The following CCNY variants were observed in gnomAD, a reference collection of about 807,000 sequenced individuals.
CCNY encodes cyclin-Y.
Under a neutral mutation model 42.8 loss-of-function variants are expected in CCNY, and 19 were observed. The observed-to-expected ratio is 0.44, with a 90% CI of 0.31 to 0.65. The LOEUF (loss-of-function observed/expected upper bound fraction) is 0.65. CCNY is among the 30% of genes least tolerant of loss of function. CCNY has a pLI of 0.07. For synonymous variants in CCNY, 165 were observed against 162.7 expected (o/e 1.01, Z -0.11); for missense variants, 370 against 437.3 (o/e 0.85, Z 1.37).
intron 3 of CCNY, among the ~76,000 whole-genome samples, chr10:35,292,359 A>T (rs565205951): frequency 5.3e-4 from 81 of 151,774 alleles, no homozygotes; most frequent in African/African-American, 1.9e-3. Flanking sequence ...TTAATTTTTA[A>T]TTTTTTTATT....
At chr10:35,400,544 A>G in intron 1 of CCNY, among the ~76,000 whole-genome samples, 1 of 152,212 alleles carries the variant, frequency 6.6e-6, no homozygotes. Context: ...CTGTTTTAAA[A>G]TATTAGTAAT....
intron 3 of CCNY, 31 bp from the exon 4 acceptor site, chr10:35,516,492 T>C: frequency 1.4e-6 from 2 of 1,464,318 alleles, no homozygotes; most frequent in Middle Eastern, 3.5e-4. Flanking sequence ...CCCTGTGTAA[T>C]TGCCTTAATC....
Position 35,570,372 on chromosome 10 carries a change from G to A in CCNY, c.*1202G>A, listed in dbSNP as rs1289410947. 2 of 152,228 alleles carry A rather than the reference G, an allele frequency of 1.3e-5. No individual in the cohort carries two copies. The highest frequency in any genetic ancestry group is 2.9e-5 in the Non-Finnish European group (2 of 68,030). 9.4% of individuals were successfully genotyped at this position (152,228 alleles called of 1,614,324 possible). On this transcript the variant is annotated 3_prime_UTR_variant, in exon 10 of 10. Transcript: ENST00000374704. ...ATTTTCATTGTGGGTGCTTAGAGAA[G>A]TTCTACAAAATTCAAACTGTGAAGG... is the stretch of plus-strand genomic sequence containing the variant.
At chr10:35,297,306 G>A (rs1235047900) in intron 3 of CCNY, among the ~76,000 whole-genome samples, 2 of 151,834 alleles carry the variant, frequency 1.3e-5, no homozygotes, top group East Asian at 1.9e-4. Context: ...ATTCAACATC[G>A]CTTCATGTTA....
chr10:35,462,936 CTTAG>C (rs910155256), intron 1 of CCNY, among the ~76,000 whole-genome samples: 14 of 152,312 alleles, frequency 9.2e-5, no homozygotes, highest in Admixed American at 7.2e-4. Context: ...TACGTTAGGC[CTTAG>C]TTAGAGATAT....
intron 1 of CCNY, among the ~76,000 whole-genome samples, chr10:35,411,218 T>A (rs1209405684): frequency 1.3e-5 from 2 of 152,096 alleles, no homozygotes; most frequent in African/African-American, 4.8e-5. Context: ...GTATGTTAGA[T>A]TTAGCAGCGA....
At chr10:35,322,956 T>G (rs1169489520) in intron 3 of CCNY, among the ~76,000 whole-genome samples, 1 of 152,176 alleles carries the variant, frequency 6.6e-6, no homozygotes, top group African/African-American at 2.4e-5. Context: ...AGATGGAGTC[T>G]CGCTCTGTCG....
intron 1 of CCNY, among the ~76,000 whole-genome samples, chr10:35,474,633 A>T (rs938403466): frequency 6.6e-6 from 1 of 152,146 alleles, no homozygotes; most frequent in Non-Finnish European, 1.5e-5. Context: ...CATCCACACC[A>T]AAAACCCATC....
chr10:35,410,242 G>T (rs4934750), intron 1 of CCNY, among the ~76,000 whole-genome samples: 30,212 of 152,098 alleles, frequency 0.2, 3,705 homozygotes, highest in East Asian at 0.33. Context: ...ATAGTTTTAC[G>T]TTTCAAACAG....
rs1352080085 is a variant in CCNY at position 35,304,511 on chromosome 10, C to T, written c.-9+53885C>T. ...ATTTTTAGTAGAGACGGGGTTTCAC[C>T]GTTTTAGCCGGGATGGTCTCGATCT... On this transcript the variant is annotated intron_variant, in intron 3 of 11. Transcript: ENST00000374706. 2.6e-5 allele frequency among the ~76,000 whole-genome samples: 3 copies of T among 114,702 alleles called. 1 individual carries two copies. The highest frequency in any genetic ancestry group is 5.2e-5 in the Non-Finnish European group (3 of 57,370). 75.2% of individuals were successfully genotyped at this position (114,702 alleles called of 152,430 possible). A position where few individuals can be genotyped will look rare whatever the true frequency, so the allele number is the denominator to read the frequency against.
chr10:35,323,259 A>T (rs1054468399), intron 3 of CCNY, among the ~76,000 whole-genome samples: 26 of 152,180 alleles, frequency 1.7e-4, no homozygotes, highest in African/African-American at 5.8e-4. Context: ...ACATACACTT[A>T]GCATACAACC....
intron 3 of CCNY, among the ~76,000 whole-genome samples, chr10:35,329,614 G>A (rs566566108): frequency 1.3e-5 from 2 of 152,228 alleles, no homozygotes; most frequent in East Asian, 3.9e-4. Flanking sequence ...CCAGTATGAA[G>A]GACAAAGGAA....
At chr10:35,423,444 C>A (rs1470278475) in intron 1 of CCNY, among the ~76,000 whole-genome samples, 1 of 150,794 alleles carries the variant, frequency 6.6e-6, no homozygotes, top group Non-Finnish European at 1.5e-5. Context: ...CCAATGCACT[C>A]CAGCCTGAGT....
At chr10:35,405,275 A>G (rs1409465975) in intron 1 of CCNY, among the ~76,000 whole-genome samples, 3 of 151,868 alleles carry the variant, frequency 2.0e-5, no homozygotes, top group Non-Finnish European at 4.4e-5. Context: ...ATTGAGCAGG[A>G]TAAGGGTGAT....
intron 3 of CCNY, among the ~76,000 whole-genome samples, chr10:35,276,001 C>T (rs543720905): frequency 6.6e-6 from 1 of 152,314 alleles, no homozygotes; most frequent in South Asian, 2.1e-4. Context: ...GCATGGTTAC[C>T]CATGTAAGCA....
intron 1 of CCNY, among the ~76,000 whole-genome samples, chr10:35,471,264 C>T (rs1359477687): frequency 2.6e-5 from 4 of 151,912 alleles, no homozygotes; most frequent in East Asian, 1.9e-4. Flanking sequence ...GAGGGGCTTG[C>T]GAGGGGGAGG....
At chr10:35,275,570 C>T (rs901737532) in intron 3 of CCNY, among the ~76,000 whole-genome samples, 5 of 151,504 alleles carry the variant, frequency 3.3e-5, no homozygotes, top group Admixed American at 1.3e-4. Context: ...AAGACCATCC[C>T]GGCTAACACG....
At chr10:35,442,737 G>A (rs1415384289) in intron 1 of CCNY, among the ~76,000 whole-genome samples, 1 of 152,166 alleles carries the variant, frequency 6.6e-6, no homozygotes, top group Non-Finnish European at 1.5e-5. Context: ...ACGGGCTATT[G>A]ATGTGGTTTG....
At position 35,569,135 on chromosome 10, in the gene CCNY, A is replaced by G; in HGVS notation, c.991A>G (p.Thr331Ala). The part of the protein sequence containing the change: ...RKRSASADNL[T>A]LPRWSPAIIS ...GCGCTCAGCCAGTGCAGACAACCTGACTCTGCCCCGGTGGTCCCCAGCCAT... is the reference window on the plus strand; with the variant it reads ...GCGCTCAGCCAGTGCAGACAACCTGGCTCTGCCCCGGTGGTCCCCAGCCAT... Residue 331 changes from threonine (T) to alanine (A), a missense_variant, in exon 10 of 10, where the codon ACT (threonine) becomes GCT (alanine). Physicochemically the swap from Thr to Ala is moderately conservative, Grantham distance 58. Transcript: ENST00000374704. 6.2e-7 allele frequency: 1 copy of G among 1,611,990 alleles called. No homozygotes were observed. The highest frequency in any genetic ancestry group is 8.5e-7 in the Non-Finnish European group (1 of 1,179,596).
Sources: allele counts gnomAD v4.1 joint callset (sites outside exome capture counted in the v4.1 genomes callset), GRCh38; gene constraint gnomAD v4.1.1; transcripts MANE v1.5; gene names NCBI Gene and HGNC (gene_info 2026-07-23, HGNC 2026-07-21).